Variants in SEMA3A observed in about 807,000 individuals in gnomAD.
SEMA3A encodes semaphorin 3A.
A neutral mutation model predicts 97.9 loss-of-function variants in SEMA3A; 29 were observed. The ratio of observed to expected loss-of-function variants is 0.30; its 90% confidence interval spans 0.22 to 0.40. The LOEUF is 0.40. Among genes scored for constraint, SEMA3A ranks in the 10% least tolerant of loss-of-function variants. The pLI, the probability that SEMA3A is intolerant of heterozygous loss-of-function variation, is 1.00. For synonymous variants in SEMA3A, 321 were observed against 323.7 expected, an observed-to-expected ratio of 0.99 and a Z score of 0.09; for missense variants, 763 against 951.3, an observed-to-expected ratio of 0.80 and a Z score of 2.60.
At position 84,049,978 on chromosome 7, in the gene SEMA3A, T is replaced by C. The variant is rs1419999337; in HGVS notation, c.548-3535A>G. Among the ~76,000 whole-genome samples, 3 of 149,818 alleles carry C rather than the reference T, an allele frequency of 2.0e-5. No homozygotes were observed. In the East Asian group the frequency reaches 6.0e-4, roughly 30 times the overall value. ...GAATATGCGGTGTTTGGTTTTTTGT[T>C]CTTGCGATAGTTTACTGAGAATGAT... On this transcript the variant is annotated intron_variant, in intron 5 of 16. Transcript: ENST00000265362.
chr7:84,211,127 T>A (rs1798613274), intron 3 of SEMA3A, among the ~76,000 whole-genome samples: 1 of 152,200 alleles, frequency 6.6e-6, no homozygotes. Flanking sequence ...AGACTCATTC[T>A]CGTTCTTTAG....
chr7:83,973,823 A>AAGAT (rs1261010747), intron 15 of SEMA3A, among the ~76,000 whole-genome samples: 4 of 152,088 alleles, frequency 2.6e-5, no homozygotes, highest in Non-Finnish European at 5.9e-5. Flanking sequence ...ATTCAACTAG[A>AAGAT]AGATAGGATA....
At chr7:84,122,591 A>T (rs1795660595) in intron 3 of SEMA3A, among the ~76,000 whole-genome samples, 2 of 152,200 alleles carry the variant, frequency 1.3e-5, no homozygotes, top group Admixed American at 1.3e-4. Flanking sequence ...GGTAATTCTA[A>T]TTATCCACTT....
chr7:84,319,647 G>A (rs897046803), intron 2 of SEMA3A, among the ~76,000 whole-genome samples: 2 of 151,800 alleles, frequency 1.3e-5, no homozygotes, highest in Non-Finnish European at 2.9e-5. Flanking sequence ...AAACCACAGT[G>A]GTATTAGCAA....
rs1554384760 is a variant in SEMA3A at position 83,984,608 on chromosome 7, C to CCT, written c.1494+827_1494+828insAG. 6.1e-5 allele frequency among the ~76,000 whole-genome samples: 6 copies of CCT among 98,882 alleles called. No individual in the cohort carries two copies. The East Asian group carries it at 1.4e-3, about 23-fold the overall frequency. 64.9% of individuals were successfully genotyped at this position (98,882 alleles called of 152,430 possible). On this transcript the variant is annotated intron_variant, in intron 13 of 16. Transcript: ENST00000265362. The stretch of plus-strand genomic sequence containing the variant: ...CCCTACTTCATTCTGGATTTTTCTG[C>CCT]TTTTTTTTTTTTTTTTTTTTTTTGA...
chr7:84,404,640 G>A (rs960067699), intron 1 of SEMA3A, among the ~76,000 whole-genome samples: 2 of 152,184 alleles, frequency 1.3e-5, no homozygotes, highest in African/African-American at 4.8e-5. Flanking sequence ...AGGGCAGCCA[G>A]AGAGAAAGGT....
At chr7:84,130,115 T>C (rs1326604575) in intron 2 of SEMA3A, among the ~76,000 whole-genome samples, 1 of 152,064 alleles carries the variant, frequency 6.6e-6, no homozygotes, top group African/African-American at 2.4e-5. Context: ...ATTTTTCCTT[T>C]CTAGTAATAT....
chr7:84,166,887 A>C (rs1797228821), intron 1 of SEMA3A, among the ~76,000 whole-genome samples: 1 of 150,656 alleles, frequency 6.6e-6, no homozygotes, highest in Non-Finnish European at 1.5e-5. Flanking sequence ...GTCTCAAAAA[A>C]AAAAAAAAAA....
intron 1 of SEMA3A, among the ~76,000 whole-genome samples, chr7:84,417,015 CTTTAA>C (rs2116267266): frequency 6.6e-6 from 1 of 152,002 alleles, no homozygotes; most frequent in East Asian, 1.9e-4. Context: ...TTTTTTTAAA[CTTTAA>C]TTTATTTGAT....
chr7:84,108,688 C>T (rs1039085414), intron 4 of SEMA3A, among the ~76,000 whole-genome samples: 2 of 151,976 alleles, frequency 1.3e-5, no homozygotes, highest in African/African-American at 4.8e-5. Context: ...GGTGGATTGC[C>T]TGAGCTAGGA....
chr7:84,460,482 T>C (rs1226816384), intron 1 of SEMA3A, among the ~76,000 whole-genome samples: 1 of 152,168 alleles, frequency 6.6e-6, no homozygotes, highest in Non-Finnish European at 1.5e-5. Flanking sequence ...AAGGTTATTA[T>C]GTATCTATTT....
At chr7:84,474,256 T>A (rs548940524) in intron 1 of SEMA3A, among the ~76,000 whole-genome samples, 1 of 152,210 alleles carries the variant, frequency 6.6e-6, no homozygotes, top group Admixed American at 6.5e-5. Context: ...AAAACAGCAT[T>A]ACATAGAAAC....
At chr7:84,052,524 G>C (rs951012003) in intron 5 of SEMA3A, among the ~76,000 whole-genome samples, 23 of 151,972 alleles carry the variant, frequency 1.5e-4, no homozygotes, top group Non-Finnish European at 2.6e-4. Flanking sequence ...ATTCTCTGAT[G>C]GTAGTTTGTA....
intron 3 of SEMA3A, among the ~76,000 whole-genome samples, chr7:84,257,548 C>G (rs193029537): frequency 6.6e-6 from 1 of 152,256 alleles, no homozygotes; most frequent in Admixed American, 6.5e-5. Context: ...AGCTATAACA[C>G]TGAAGTCATT....
intron 4 of SEMA3A, among the ~76,000 whole-genome samples, chr7:84,099,094 G>T: frequency 2.2e-5 from 1 of 45,628 alleles, no homozygotes. Flanking sequence ...TTTTTGAGAC[G>T]GAGTCTCGCT....
chr7:84,182,279 T>C (rs1178755421), intron 1 of SEMA3A, among the ~76,000 whole-genome samples: 2 of 152,146 alleles, frequency 1.3e-5, no homozygotes, highest in Admixed American at 1.3e-4. Flanking sequence ...TTAATCCCTA[T>C]GTGGATTCAA....
chr7:84,194,042 T>C, intron 1 of SEMA3A, among the ~76,000 whole-genome samples: 1 of 152,182 alleles, frequency 6.6e-6, no homozygotes, highest in East Asian at 1.9e-4. Flanking sequence ...ATGATGACGA[T>C]TAACCATTTC....
chr7:84,160,729 A>T (rs1245364501), intron 1 of SEMA3A, among the ~76,000 whole-genome samples: 2 of 151,394 alleles, frequency 1.3e-5, no homozygotes, highest in Non-Finnish European at 1.5e-5. Flanking sequence ...AATACAAAAA[A>T]ATTACTTGGG....
intron 1 of SEMA3A, among the ~76,000 whole-genome samples, chr7:84,166,431 C>G (rs562920200): frequency 6.6e-6 from 1 of 151,450 alleles, no homozygotes; most frequent in East Asian, 2.0e-4. Context: ...ATTAGCCAGG[C>G]GTGGTGGTGC....
Sources: allele counts gnomAD v4.1 joint callset (sites outside exome capture counted in the v4.1 genomes callset), GRCh38; gene constraint gnomAD v4.1.1; transcripts MANE v1.5; gene names NCBI Gene and HGNC (gene_info 2026-07-23, HGNC 2026-07-21).